The following TMEM132B variants were observed in gnomAD, a reference collection of about 807,000 sequenced individuals.
TMEM132B encodes transmembrane protein 132B.
TMEM132B carries 18 observed loss-of-function variants against 90.8 expected under a neutral mutation model. The ratio of observed to expected loss-of-function variants is 0.20; its 90% CI spans 0.14 to 0.29. TMEM132B has a LOEUF of 0.29. TMEM132B is among the 10% of genes least tolerant of loss of function. The probability of loss-of-function intolerance (pLI) is 1.00; values close to 1 mark genes in which losing one functional copy is unlikely to be tolerated. For missense variants in TMEM132B, 1,096 were observed against 1,326.8 expected (o/e 0.83, Z 2.70); for synonymous variants, 504 against 523.3 (o/e 0.96, Z 0.50).
At chr12:125,382,180 A>G (rs1341774471) in intron 2 of TMEM132B, among the ~76,000 whole-genome samples, 1 of 152,182 alleles carries the variant, frequency 6.6e-6, no homozygotes, top group Non-Finnish European at 1.5e-5. Flanking sequence ...ACATGATTTT[A>G]TGTCAAATAT....
Position 125,550,186 on chromosome 12 carries a change from C to T in TMEM132B, c.1293+30561C>T, listed in dbSNP as rs147970808. On this transcript the variant is annotated intron_variant, in intron 4 of 8. Coordinates refer to ENST00000682704, the MANE Select transcript of TMEM132B (RefSeq NM_001366854.1). Reference sequence around the variant, plus strand: ...TGCTTACTAGCTGGGGACCAGCTCTCGCTCAAGACACCCAGCACACTTCCC... The same window carrying T: ...TGCTTACTAGCTGGGGACCAGCTCTTGCTCAAGACACCCAGCACACTTCCC... 5.4e-3 allele frequency among the ~76,000 whole-genome samples: 819 copies of T among 152,302 alleles called. 6 individuals are homozygous for T. Among genetic ancestry groups the T allele is most frequent in the African/African-American group, 0.019 (775 of 41,554 alleles).
chr12:125,502,254 A>G (rs1882719499), intron 3 of TMEM132B, among the ~76,000 whole-genome samples: 1 of 152,118 alleles, frequency 6.6e-6, no homozygotes, highest in Non-Finnish European at 1.5e-5. Context: ...ATCCTGTTTT[A>G]TCTTTATCTC....
At chr12:125,517,866 C>G (rs549404821) in intron 3 of TMEM132B, among the ~76,000 whole-genome samples, 1 of 152,292 alleles carries the variant, frequency 6.6e-6, no homozygotes, top group East Asian at 1.9e-4. Flanking sequence ...CTGCCCTGTG[C>G]AACATGTCAC....
intron 1 of TMEM132B, among the ~76,000 whole-genome samples, chr12:125,292,870 A>C (rs375943139): frequency 1.2e-4 from 19 of 152,234 alleles, no homozygotes; most frequent in Admixed American, 1.1e-3. Context: ...AGTTTGCACA[A>C]TGCTGATTGG....
chr12:125,191,947 G>A (rs900327946), intron 1 of TMEM132B, among the ~76,000 whole-genome samples: 9 of 152,170 alleles, frequency 5.9e-5, no homozygotes, highest in Non-Finnish European at 4.4e-5. Flanking sequence ...AATAACAATG[G>A]TGTGCTGATG....
Position 125,411,691 on chromosome 12 carries a change from G to A in TMEM132B, c.960-3840G>A, listed in dbSNP as rs116038749. ...AAGGTAAAGGGTTGGTTGCTGTCTT[G>A]AGAGCTTAGCAGCAATTAGCTAGAA... On this transcript the variant is annotated intron_variant, in intron 2 of 8. Coordinates refer to ENST00000682704, the MANE Select transcript of TMEM132B (RefSeq NM_001366854.1). Among the ~76,000 whole-genome samples, 860 of 152,144 alleles carry A rather than the reference G, an allele frequency of 5.7e-3. 6 individuals carry two copies. The highest frequency in any genetic ancestry group is 0.02 in the African/African-American group (823 of 41,508).
rs752720769 is a variant in TMEM132B at position 125,209,372 on chromosome 12, G to T, written c.67+22506G>T. ...TGCTGTGTACCTTTGTCCCAGCCTG[G>T]GACAGCAGACGCTAGCAGTGGCAGC... On this transcript the variant is annotated intron_variant, in intron 1 of 8. Coordinates refer to ENST00000682704, the MANE Select transcript of TMEM132B (RefSeq NM_001366854.1). The surrounding 1 kb of genome is among the most constrained non-coding windows in gnomAD (Gnocchi z 4.4). 1.1e-4 allele frequency among the ~76,000 whole-genome samples: 17 copies of T among 152,214 alleles called. No homozygotes were observed. The highest frequency in any genetic ancestry group is 1.8e-4 in the Non-Finnish European group (12 of 68,034).
At chr12:125,275,802 C>T (rs1874970919) in intron 1 of TMEM132B, among the ~76,000 whole-genome samples, 1 of 152,152 alleles carries the variant, frequency 6.6e-6, no homozygotes, top group Non-Finnish European at 1.5e-5. Flanking sequence ...CAGCCTTGAC[C>T]TCCTGGGCTC....
chr12:125,597,523 G>A (rs1026456435), intron 5 of TMEM132B, among the ~76,000 whole-genome samples: 1 of 152,222 alleles, frequency 6.6e-6, no homozygotes, highest in Non-Finnish European at 1.5e-5. Flanking sequence ...AAATCAGCAT[G>A]AGCAAGCAGG....
chr12:125,463,539 G>A (rs192917152), intron 3 of TMEM132B, among the ~76,000 whole-genome samples: 42 of 152,066 alleles, frequency 2.8e-4, no homozygotes, highest in African/African-American at 9.2e-4. Flanking sequence ...ATTGTCTTTG[G>A]GACTCCATGA....
intron 3 of TMEM132B, among the ~76,000 whole-genome samples, chr12:125,482,364 G>A (rs569406546): frequency 1.8e-4 from 27 of 152,032 alleles, no homozygotes; most frequent in African/African-American, 6.3e-4. Flanking sequence ...ATCTGACAAA[G>A]GGCTAATATC....
chr12:125,531,794 A>G (rs1385300604), intron 4 of TMEM132B, among the ~76,000 whole-genome samples: 1 of 152,248 alleles, frequency 6.6e-6, no homozygotes, highest in Non-Finnish European at 1.5e-5. Context: ...ATGCCTGTCC[A>G]CTGGGTGCAC....
At chr12:125,539,012 G>C (rs549223418) in intron 4 of TMEM132B, among the ~76,000 whole-genome samples, 1 of 152,208 alleles carries the variant, frequency 6.6e-6, no homozygotes, top group East Asian at 1.9e-4. Flanking sequence ...CTGCCAGACC[G>C]CCTGTCCTGG....
chr12:125,191,757 G>T (rs1872798206), intron 1 of TMEM132B, among the ~76,000 whole-genome samples: 1 of 152,228 alleles, frequency 6.6e-6, no homozygotes, highest in Non-Finnish European at 1.5e-5. Context: ...TGAGTGATTA[G>T]ATGGCTATGT....
At chr12:125,531,108 C>T (rs1439433764) in intron 4 of TMEM132B, among the ~76,000 whole-genome samples, 2 of 152,238 alleles carry the variant, frequency 1.3e-5, no homozygotes, top group Non-Finnish European at 2.9e-5. Flanking sequence ...TGACTGGACT[C>T]TGCTAATCAG....
chr12:125,505,527 C>T (rs1882823796), intron 3 of TMEM132B, among the ~76,000 whole-genome samples: 1 of 151,714 alleles, frequency 6.6e-6, no homozygotes, highest in Non-Finnish European at 1.5e-5. Context: ...GGTGAAATCC[C>T]GTCTCTACTA....
At chr12:125,513,286 T>A (rs962363304) in intron 3 of TMEM132B, among the ~76,000 whole-genome samples, 1 of 152,218 alleles carries the variant, frequency 6.6e-6, no homozygotes, top group African/African-American at 2.4e-5. Context: ...GTGTGGGGGA[T>A]ACATTCGTGA....
rs116151176 is a variant in TMEM132B at position 125,231,070 on chromosome 12, C to T, written c.67+44204C>T. ...TCAGAAACCAAGTTTTTGGTAGGGC[C>T]GTGCTCCCTCCGGAGGCTCTAGGGG... is the stretch of plus-strand genomic sequence containing the variant. On this transcript the variant is annotated intron_variant, in intron 1 of 8. Coordinates refer to ENST00000682704, the MANE Select transcript of TMEM132B (RefSeq NM_001366854.1). Among the ~76,000 whole-genome samples the T allele has an allele frequency of 6.1e-3, 922 of 152,196 alleles. 8 individuals are homozygous for T. The highest frequency in any genetic ancestry group is 0.021 in the African/African-American group (881 of 41,522).
chr12:125,296,183 G>A (rs1243475269), intron 1 of TMEM132B, among the ~76,000 whole-genome samples: 1 of 152,088 alleles, frequency 6.6e-6, no homozygotes, highest in Admixed American at 6.5e-5. Context: ...GTGGCCCCAC[G>A]GCCCAGTACA....
Sources: allele counts gnomAD v4.1 joint callset (sites outside exome capture counted in the v4.1 genomes callset), GRCh38; gene constraint gnomAD v4.1.1; non-coding constraint Gnocchi (gnomAD v3.1); transcripts MANE v1.5; gene names NCBI Gene and HGNC (gene_info 2026-07-23, HGNC 2026-07-21).